Variants in CSMD2 observed in about 807,000 individuals in gnomAD.
CSMD2 encodes the protein CUB and Sushi multiple domains 2.
A neutral mutation model predicts 398.5 loss-of-function variants in CSMD2; 130 were observed. The observed-to-expected ratio is 0.33, with a 90% CI of 0.28 to 0.38. The LOEUF is 0.38. Among genes scored for constraint, CSMD2 ranks in the 10% least tolerant of loss-of-function variants. The pLI is 1.00. For synonymous variants in CSMD2, 1,828 were observed against 1,908.5 expected (o/e 0.96, Z 1.10); for missense variants, 3,829 against 4,764.9 (o/e 0.80, Z 5.78).
intron 5 of CSMD2, among the ~76,000 whole-genome samples, chr1:33,857,957 C>T (rs773748314): frequency 6.6e-5 from 10 of 152,190 alleles, no homozygotes; most frequent in Middle Eastern, 3.2e-3. Context: ...GTTATCAACC[C>T]AGAGTTGGTC....
chr1:33,783,783 G>A (rs1653146537), intron 12 of CSMD2, among the ~76,000 whole-genome samples: 1 of 152,200 alleles, frequency 6.6e-6, no homozygotes, highest in African/African-American at 2.4e-5. Context: ...ACGTGTTGAA[G>A]TTCTGACTCC....
intron 4 of CSMD2, among the ~76,000 whole-genome samples, chr1:33,929,618 A>G (rs888384207): frequency 6.6e-6 from 1 of 151,818 alleles, no homozygotes; most frequent in African/African-American, 2.4e-5. Context: ...TTGTATTTTT[A>G]GTAGAGATGG....
intron 1 of CSMD2, chr1:34,113,076 C>T (rs1022902175): frequency 1.3e-5 from 2 of 152,126 alleles, no homozygotes; most frequent in Non-Finnish European, 2.9e-5. Flanking sequence ...AAGGTAGGAC[C>T]CAGCTTCAAC....
intron 3 of CSMD2, among the ~76,000 whole-genome samples, chr1:34,006,664 T>C: frequency 6.6e-6 from 1 of 152,146 alleles, no homozygotes; most frequent in Non-Finnish European, 1.5e-5. Flanking sequence ...TATCTTCATT[T>C]TTTTTCCATC....
chr1:34,044,150 ACCC>A (rs1443603044), intron 2 of CSMD2, among the ~76,000 whole-genome samples: 1 of 152,010 alleles, frequency 6.6e-6, no homozygotes, highest in South Asian at 2.1e-4. Context: ...GGTGATGCAG[ACCC>A]CCCAACACAG....
chr1:33,857,918 G>C (rs1320317007), intron 5 of CSMD2, among the ~76,000 whole-genome samples: 3 of 152,204 alleles, frequency 2.0e-5, no homozygotes, highest in Non-Finnish European at 4.4e-5. Context: ...TTAAAGACCT[G>C]TGAGGAGTAT....
intron 60 of CSMD2, among the ~76,000 whole-genome samples, chr1:33,539,802 C>A (rs1232706672): frequency 1.3e-5 from 2 of 152,242 alleles, no homozygotes; most frequent in African/African-American, 2.4e-5. Flanking sequence ...TAACATTGCA[C>A]CAAATACCTG....
At position 33,792,403 on chromosome 1, in the gene CSMD2, A is replaced by G. The variant is rs375433710; in HGVS notation, c.1550+20T>C. 88 of 1,586,266 alleles carry G rather than the reference A, an allele frequency of 5.5e-5. 2 individuals are homozygous for G. The African/African-American group carries it at 9.7e-4, about 17-fold the overall frequency. ...CAGCCACCGTCCCACCTTCCAAACAACATGCCCCACTGCACTTACATGTAG... is the reference window on the plus strand; with the variant it reads ...CAGCCACCGTCCCACCTTCCAAACAGCATGCCCCACTGCACTTACATGTAG... On this transcript the variant is annotated intron_variant, in intron 11 of 70. Coordinates refer to ENST00000373381, the MANE Select transcript of CSMD2 (RefSeq NM_001281956.2).
intron 5 of CSMD2, among the ~76,000 whole-genome samples, chr1:33,871,871 T>C (rs1448029248): frequency 6.6e-6 from 1 of 152,170 alleles, no homozygotes; most frequent in Non-Finnish European, 1.5e-5. Flanking sequence ...CCTCCCAAAG[T>C]GCTGGGATTA....
At position 34,093,748 on chromosome 1, in the gene CSMD2, T is replaced by A. The variant is rs369063816; in HGVS notation, c.188-4555A>T. ...AAATGAGCAAAGCCTTCAAGAAATATGGGACTATGTGAAAAGACCAAATCT... is the reference window on the plus strand; with the variant it reads ...AAATGAGCAAAGCCTTCAAGAAATAAGGGACTATGTGAAAAGACCAAATCT... On this transcript the variant is annotated intron_variant, in intron 1 of 70. Coordinates refer to ENST00000373381, the MANE Select transcript of CSMD2 (RefSeq NM_001281956.2). 7.9e-5 allele frequency among the ~76,000 whole-genome samples: 12 copies of A among 151,942 alleles called. 1 individual carries two copies. Among genetic ancestry groups the A allele is most frequent in the African/African-American group, 2.4e-4 (10 of 41,288 alleles).
At chr1:34,019,026 CCT>C (rs1648524759) in intron 3 of CSMD2, among the ~76,000 whole-genome samples, 1 of 152,184 alleles carries the variant, frequency 6.6e-6, no homozygotes, top group Non-Finnish European at 1.5e-5. Flanking sequence ...CCACACTTTA[CCT>C]CTTACTAGCT....
chr1:33,820,544 C>T lies in CSMD2; in HGVS notation c.1124G>A (p.Gly375Asp). Reference protein sequence around the residue: ...SQKTSVLTQVGVSQGHNMCPD... With the variant: ...SQKTSVLTQVDVSQGHNMCPD... ...ACACATATTATGTCCTTGGGACACA[C>T]CAACCTGAGTTACTACAAGGCAAAA... Residue 375 changes from glycine (G) to aspartate (D), a missense_variant, in exon 8 of 71, where the codon GGT (glycine) becomes GAT (aspartate). Gly to Asp is a moderately conservative substitution (Grantham distance 94, BLOSUM62 -1). This residue lies in a region of CSMD2 where 2,001 missense variants were observed against 2,567.1 expected (regional missense o/e 0.78). Coordinates refer to ENST00000373381, the MANE Select transcript of CSMD2 (RefSeq NM_001281956.2). 7.9e-7 allele frequency: 1 copy of T among 1,268,772 alleles called. No homozygotes were observed. The highest frequency in any genetic ancestry group is 2.5e-5 in the East Asian group (1 of 40,478). 78.6% of individuals were successfully genotyped at this position (1,268,772 alleles called of 1,614,324 possible).
chr1:33,771,304 C>T (rs1014154790), intron 13 of CSMD2, among the ~76,000 whole-genome samples: 4 of 152,180 alleles, frequency 2.6e-5, no homozygotes, highest in East Asian at 1.9e-4. Flanking sequence ...TTGCCTGCCC[C>T]GAGCTGCTCC....
In CSMD2 at chr1:33,602,371, G is replaced by A; in HGVS notation, c.6708C>T (p.Ile2236=). Reference sequence around the variant, plus strand: ...TGTTGACATGGCACCTGGCCTACCAGATGGTGATGAAATCTCCAGAGGGCT... The same window carrying A: ...TGTTGACATGGCACCTGGCCTACCAAATGGTGATGAAATCTCCAGAGGGCT... ...QTEPSGDFIT[I]WDGPQQTAPR... Residue 2236 remains isoleucine (I), a splice_region_variant and synonymous_variant, in exon 43 of 71, where the codon ATC becomes ATT. Transcript: ENST00000373381. The A allele has an allele frequency of 6.2e-7, 1 of 1,613,894 alleles. No homozygotes were observed. The highest frequency in any genetic ancestry group is 1.1e-5 in the South Asian group (1 of 91,042).
chr1:33,638,188 T>C (rs1234569900), intron 29 of CSMD2, among the ~76,000 whole-genome samples: 3 of 152,166 alleles, frequency 2.0e-5, no homozygotes, highest in African/African-American at 7.2e-5. Flanking sequence ...CCGTGATGCA[T>C]TGCCTTGACC....
At chr1:33,560,033 G>C (rs554228458) in intron 53 of CSMD2, among the ~76,000 whole-genome samples, 1 of 152,206 alleles carries the variant, frequency 6.6e-6, no homozygotes, top group Non-Finnish European at 1.5e-5. Flanking sequence ...AGTGCACTTT[G>C]ATCTGTGCAA....
chr1:33,886,303 T>C (rs1438510989), intron 5 of CSMD2, among the ~76,000 whole-genome samples: 1 of 152,152 alleles, frequency 6.6e-6, no homozygotes, highest in Non-Finnish European at 1.5e-5. Flanking sequence ...GGAGAAATTC[T>C]GGAGACAAGC....
chr1:34,153,752 A>G (rs1049292586), intron 1 of CSMD2, among the ~76,000 whole-genome samples: 2 of 152,224 alleles, frequency 1.3e-5, no homozygotes, highest in East Asian at 1.9e-4. Flanking sequence ...GATGGACAGG[A>G]AGGTTCTAGA....
chr1:33,636,252 A>G lies in CSMD2; in HGVS notation c.4969+108T>C. On this transcript the variant is annotated intron_variant, in intron 30 of 70. Transcript: ENST00000373381. The surrounding 1 kb of genome is among the most constrained non-coding windows in gnomAD (Gnocchi z 4.8). ...AACCCAGGTTTGCCAGGCTTGGAGGAGCCGGGCTTGAGGACCTTGCCCCCC... is the reference window on the plus strand; with the variant it reads ...AACCCAGGTTTGCCAGGCTTGGAGGGGCCGGGCTTGAGGACCTTGCCCCCC... 9.2e-7 allele frequency: 1 copy of G among 1,092,572 alleles called. No homozygotes were observed. The highest frequency in any genetic ancestry group is 1.3e-6 in the Non-Finnish European group (1 of 769,232). The allele number at this position is 1,092,572 out of a possible 1,614,324, so 67.7% of individuals were successfully genotyped here. A position where few individuals can be genotyped will look rare whatever the true frequency, so the allele number is the denominator to read the frequency against.
Sources: gnomAD v4.1 joint callset for allele counts (sites outside exome capture counted in the v4.1 genomes callset) on GRCh38, gnomAD v4.1.1 for gene constraint, gnomAD v4.1.1 regional missense constraint, Gnocchi (gnomAD v3.1) non-coding constraint, MANE v1.5 for transcripts, NCBI Gene and HGNC (gene_info 2026-07-23, HGNC 2026-07-21) for gene names.